ARHGAP26: variants seen among roughly 807,000 people sequenced by gnomAD.
ARHGAP26 encodes rho GTPase-activating protein 26.
In ARHGAP26, 38 loss-of-function variants were observed where a neutral mutation model predicts 104.8. That is an observed-to-expected ratio of 0.36 (90% confidence interval 0.28 to 0.48). The LOEUF (loss-of-function observed/expected upper bound fraction) is 0.48. Among genes scored for constraint, ARHGAP26 ranks in the 20% least tolerant of loss-of-function variants. The pLI is 0.99. For missense variants in ARHGAP26, 704 were observed against 947.9 expected (o/e 0.74, Z 3.38); for synonymous variants, 341 against 340.0 (o/e 1.00, Z -0.03).
intron 1 of ARHGAP26, among the ~76,000 whole-genome samples, chr5:142,782,618 G>A (rs1289812302): frequency 1.1e-4 from 16 of 152,216 alleles, no homozygotes; most frequent in Admixed American, 1.0e-3. Context: ...GTAGCAGAGA[G>A]TTGGAGAGGC....
At chr5:142,961,322 C>G (rs1770194480) in intron 11 of ARHGAP26, among the ~76,000 whole-genome samples, 1 of 152,044 alleles carries the variant, frequency 6.6e-6, no homozygotes, top group South Asian at 2.1e-4. Context: ...GAAACCCCAT[C>G]TCTACAAAAA....
chr5:142,892,355 T>A (rs915469737), intron 5 of ARHGAP26, among the ~76,000 whole-genome samples: 3 of 151,926 alleles, frequency 2.0e-5, no homozygotes, highest in Non-Finnish European at 4.4e-5. Flanking sequence ...TGGGGGCAGA[T>A]CCACCAGGAC....
intron 10 of ARHGAP26, among the ~76,000 whole-genome samples, chr5:142,929,229 C>T (rs1309710403): frequency 3.3e-5 from 5 of 152,284 alleles, no homozygotes; most frequent in South Asian, 4.1e-4. Flanking sequence ...TCACTGCGCC[C>T]GGCCTATCCT....
intron 17 of ARHGAP26, among the ~76,000 whole-genome samples, chr5:143,080,812 C>T (rs1002134421): frequency 1.4e-4 from 21 of 152,140 alleles, no homozygotes; most frequent in African/African-American, 4.3e-4. Context: ...TTCCCAAGGA[C>T]ACCCAGTTGC....
intron 1 of ARHGAP26, among the ~76,000 whole-genome samples, chr5:142,864,010 ACCTCTATCTC>A (rs935335782): frequency 2.0e-5 from 3 of 150,792 alleles, no homozygotes; most frequent in South Asian, 2.1e-4. Flanking sequence ...CCATTCTTAG[ACCTCTATCTC>A]CCTCTATCTC....
intron 17 of ARHGAP26, among the ~76,000 whole-genome samples, chr5:143,088,919 T>C (rs1304540774): frequency 6.6e-6 from 1 of 151,628 alleles, no homozygotes; most frequent in East Asian, 1.9e-4. Context: ...AGTCAGGGGG[T>C]AGCAGGTAAT....
intron 11 of ARHGAP26, among the ~76,000 whole-genome samples, chr5:143,001,724 T>C (rs1219358170): frequency 6.6e-6 from 1 of 152,232 alleles, no homozygotes; most frequent in Non-Finnish European, 1.5e-5. Flanking sequence ...CAGTTCCATT[T>C]TAGAAACCTC....
At chr5:143,207,441 C>T in intron 21 of ARHGAP26, 133 bp downstream of exon 21, 1 of 1,614,168 alleles carries the variant, frequency 6.2e-7, no homozygotes, top group Non-Finnish European at 8.5e-7. Context: ...TGCTTTTTGA[C>T]AGGCCAGAAG....
At chr5:142,784,735 G>A (rs1427783043) in intron 1 of ARHGAP26, among the ~76,000 whole-genome samples, 1 of 151,994 alleles carries the variant, frequency 6.6e-6, no homozygotes, top group East Asian at 1.9e-4. Context: ...CAATTCACAC[G>A]ACACAATTTA....
chr5:142,837,079 CT>C (rs1217680953), intron 1 of ARHGAP26, among the ~76,000 whole-genome samples: 1 of 152,324 alleles, frequency 6.6e-6, no homozygotes, highest in East Asian at 1.9e-4. Flanking sequence ...AATTCATTAT[CT>C]GGAACTTCTG....
chr5:143,180,870 A>G (rs1804234695), intron 20 of ARHGAP26, among the ~76,000 whole-genome samples: 1 of 152,192 alleles, frequency 6.6e-6, no homozygotes, highest in Non-Finnish European at 1.5e-5. Flanking sequence ...CTTTAGGCCC[A>G]TCTACCCAAA....
intron 11 of ARHGAP26, among the ~76,000 whole-genome samples, chr5:142,951,617 T>G (rs984341063): frequency 6.6e-6 from 1 of 152,168 alleles, no homozygotes; most frequent in African/African-American, 2.4e-5. Flanking sequence ...GATCTTATCA[T>G]CCTTTAAGGG....
intron 10 of ARHGAP26, among the ~76,000 whole-genome samples, chr5:142,920,180 A>T (rs62383287): frequency 6.6e-6 from 1 of 152,214 alleles, no homozygotes; most frequent in Non-Finnish European, 1.5e-5. Context: ...GATTTAGTGT[A>T]AAATTTCTGG....
At chr5:143,121,272 T>A in intron 18 of ARHGAP26, 125 bp downstream of exon 18, 1 of 1,001,764 alleles carries the variant, frequency 1.0e-6, no homozygotes, top group Non-Finnish European at 1.4e-6. Flanking sequence ...ACGATGAAGT[T>A]GCTGGTGGTG....
intron 5 of ARHGAP26, among the ~76,000 whole-genome samples, chr5:142,892,980 AC>A (rs1157976303): frequency 1.5e-5 from 1 of 64,660 alleles, no homozygotes; most frequent in Non-Finnish European, 3.1e-5. Context: ...ACCCCACCCC[AC>A]CCCCCCGCTT....
intron 20 of ARHGAP26, among the ~76,000 whole-genome samples, chr5:143,198,941 A>G (rs1807278405): frequency 6.6e-6 from 1 of 152,208 alleles, no homozygotes; most frequent in Non-Finnish European, 1.5e-5. Flanking sequence ...CAATAGTTTA[A>G]GAATTATTTT....
chr5:143,216,621 G>A (rs1810387998), intron 22 of ARHGAP26: 1 of 212,438 alleles, frequency 4.7e-6, no homozygotes, highest in Admixed American at 5.2e-5. Context: ...GTTGAGAGCA[G>A]GAGGAAAGTT....
At chr5:142,778,942 G>GAA (rs879333898) in intron 1 of ARHGAP26, among the ~76,000 whole-genome samples, 3 of 125,172 alleles carry the variant, frequency 2.4e-5, no homozygotes, top group Admixed American at 7.5e-5. Context: ...CCAAGGGATA[G>GAA]AAAAAAAAAA....
At chr5:142,990,355 C>G (rs12522327) in intron 11 of ARHGAP26, among the ~76,000 whole-genome samples, 77,554 of 152,056 alleles carry the variant, frequency 0.51, 25,197 homozygotes, top group Non-Finnish European at 0.72. Context: ...AGCTATTTGT[C>G]TAATCTTTTT....
Sources: allele counts gnomAD v4.1 joint callset (sites outside exome capture counted in the v4.1 genomes callset), GRCh38; gene constraint gnomAD v4.1.1; transcripts MANE v1.5; gene names NCBI Gene and HGNC (gene_info 2026-07-23, HGNC 2026-07-21).